TMEM232: variants seen among roughly 807,000 people sequenced by gnomAD.
TMEM232 encodes transmembrane protein 232.
Under a neutral mutation model 78.8 loss-of-function variants are expected in TMEM232, and 80 were observed. The ratio of observed to expected loss-of-function variants is 1.01; its 90% CI spans 0.85 to 1.22. TMEM232 has a LOEUF of 1.22. Ranked by LOEUF, TMEM232 falls within the 50% of genes most tolerant of loss-of-function variation. The pLI is 0.00. For synonymous variants in TMEM232, 297 were observed against 254.3 expected, an observed-to-expected ratio of 1.17 and a Z score of -1.60; for missense variants, 881 against 742.2, an observed-to-expected ratio of 1.19 and a Z score of -2.17.
chr5:110,667,300 G>C lies in TMEM232; in HGVS notation c.53C>G (p.Ser18Cys). The change falls in exon 2 of 14, where the codon TCT (serine) becomes TGT (cysteine). Residue 18 changes from serine (S) to cysteine (C), a missense_variant. Transcript: ENST00000455884. ...CCAGAGCTCTTCATGATAAGGGGAAGATATGCCTCCACATGTATTAATCAT... is the reference window on the plus strand; with the variant it reads ...CCAGAGCTCTTCATGATAAGGGGAACATATGCCTCCACATGTATTAATCAT... Reference protein sequence around the residue: ...SPMINTCGGISSPYHEELWKL... With the variant: ...SPMINTCGGICSPYHEELWKL... 1 of 1,542,744 alleles carries C rather than the reference G, an allele frequency of 6.5e-7. No homozygotes were observed. The highest frequency in any genetic ancestry group is 8.8e-7 in the Non-Finnish European group (1 of 1,140,606).
chr5:110,738,317 C>T (rs1258802972), upstream of TMEM232: 1 of 1,178,500 alleles, frequency 8.5e-7, no homozygotes, highest in African/African-American at 1.6e-5. Context: ...AACGATATAA[C>T]TGGGATTTCA....
chr5:110,596,897 C>T (rs1780237767), intron 10 of TMEM232, among the ~76,000 whole-genome samples: 1 of 152,154 alleles, frequency 6.6e-6, no homozygotes, highest in Admixed American at 6.6e-5. Flanking sequence ...GACAAACCCA[C>T]AGCCAATATC....
chr5:110,457,048 T>C (rs892901653), intron 12 of TMEM232, among the ~76,000 whole-genome samples: 15 of 152,110 alleles, frequency 9.9e-5, no homozygotes, highest in African/African-American at 3.6e-4. Context: ...ATAAAAACTT[T>C]TCCTCTGTGA....
At chr5:110,736,529 A>C (rs1455817463) in intron 1 of TMEM232, among the ~76,000 whole-genome samples, 1 of 152,152 alleles carries the variant, frequency 6.6e-6, no homozygotes, top group Non-Finnish European at 1.5e-5. Context: ...CATGTTTTAA[A>C]TTGAACATGA....
chr5:110,534,040 G>A lies in TMEM232; in HGVS notation c.1456-5205C>T, dbSNP rs547564757. Among the ~76,000 whole-genome samples the A allele has an allele frequency of 9.9e-5, 15 of 152,038 alleles. No homozygotes were observed. In the East Asian group the frequency reaches 1.9e-3, roughly 20 times the overall value. ...ACATCAAGCTCCAGGATTTGCCCCCGCCCAGGACTGGCAAATTAGCTTTAC... is the reference window on the plus strand; with the variant it reads ...ACATCAAGCTCCAGGATTTGCCCCCACCCAGGACTGGCAAATTAGCTTTAC... On this transcript the variant is annotated intron_variant, in intron 11 of 13. Transcript: ENST00000455884.
intron 2 of TMEM232, among the ~76,000 whole-genome samples, chr5:110,646,522 T>G (rs563464601): frequency 2.6e-5 from 4 of 151,896 alleles, no homozygotes; most frequent in Middle Eastern, 6.8e-3. Flanking sequence ...AATTAGACCC[T>G]TATCCCACAC....
intron 1 of TMEM232, among the ~76,000 whole-genome samples, chr5:110,692,157 T>C (rs900966682): frequency 2.7e-4 from 41 of 152,178 alleles, no homozygotes; most frequent in Non-Finnish European, 1.9e-4. Flanking sequence ...TCCGGACTCA[T>C]GATCTGCCCG....
chr5:110,666,922 A>T, intron 2 of TMEM232: 1 of 175,750 alleles, frequency 5.7e-6, no homozygotes, highest in Non-Finnish European at 1.2e-5. Context: ...GAAATAGCAA[A>T]GGTCTTAGAA....
downstream of TMEM232, chr5:110,417,960 T>C (rs1464820684): frequency 6.6e-6 from 1 of 152,116 alleles, no homozygotes; most frequent in Admixed American, 6.6e-5. Context: ...CCAGAACCAG[T>C]TGTATTGTGC....
At chr5:110,604,744 G>A (rs1349847891) in intron 10 of TMEM232, among the ~76,000 whole-genome samples, 2 of 152,140 alleles carry the variant, frequency 1.3e-5, no homozygotes, top group African/African-American at 4.8e-5. Flanking sequence ...GATCACTTGA[G>A]GTCAGGAGTT....
At chr5:110,534,117 C>G (rs1252358152) in intron 11 of TMEM232, among the ~76,000 whole-genome samples, 3 of 152,312 alleles carry the variant, frequency 2.0e-5, no homozygotes, top group South Asian at 2.1e-4. Flanking sequence ...TAAGTAGACA[C>G]TTTCACTAGA....
intron 2 of TMEM232, among the ~76,000 whole-genome samples, chr5:110,651,273 G>C (rs1000418265): frequency 1.3e-5 from 2 of 152,102 alleles, no homozygotes; most frequent in African/African-American, 4.8e-5. Flanking sequence ...AATTTAACTA[G>C]AGTGATGTGG....
At chr5:110,705,175 T>G (rs1034311862) in intron 1 of TMEM232, among the ~76,000 whole-genome samples, 1 of 152,140 alleles carries the variant, frequency 6.6e-6, no homozygotes, top group African/African-American at 2.4e-5. Context: ...GCACTCCTGC[T>G]ATAAATGCCC....
chr5:110,726,212 A>C (rs2150363387), intron 1 of TMEM232, among the ~76,000 whole-genome samples: 1 of 152,102 alleles, frequency 6.6e-6, no homozygotes, highest in South Asian at 2.1e-4. Context: ...TAAATAAATA[A>C]AAATCAAAAA....
chr5:110,564,166 G>C (rs1222926268), intron 11 of TMEM232, among the ~76,000 whole-genome samples: 1 of 151,834 alleles, frequency 6.6e-6, no homozygotes, highest in African/African-American at 2.4e-5. Flanking sequence ...CGGGACATTA[G>C]GAATATTAGG....
At chr5:110,404,268 T>A (rs897759200) in intron 2 of TMEM232, among the ~76,000 whole-genome samples, 2 of 152,094 alleles carry the variant, frequency 1.3e-5, no homozygotes, top group East Asian at 3.9e-4. Context: ...TCCAACATAG[T>A]CTCATCCTTG....
At chr5:110,625,723 T>G (rs370814873) in intron 6 of TMEM232, 1 of 178,762 alleles carries the variant, frequency 5.6e-6, no homozygotes, top group East Asian at 1.4e-4. Context: ...AACTTCCAGA[T>G]GAAAATAAAT....
At chr5:110,472,747 T>G (rs549371120) in intron 12 of TMEM232, among the ~76,000 whole-genome samples, 2 of 151,872 alleles carry the variant, frequency 1.3e-5, no homozygotes, top group Non-Finnish European at 2.9e-5. Context: ...TGGGACAGTA[T>G]AGAGAGCCCA....
At chr5:110,398,681 C>T (rs888579190) in intron 2 of TMEM232, among the ~76,000 whole-genome samples, 4 of 152,164 alleles carry the variant, frequency 2.6e-5, no homozygotes, top group Admixed American at 6.6e-5. Context: ...TAACATCTCT[C>T]TAGCCACATG....
Sources: gnomAD v4.1 joint callset for allele counts (sites outside exome capture counted in the v4.1 genomes callset) on GRCh38, gnomAD v4.1.1 for gene constraint, MANE v1.5 for transcripts, NCBI Gene and HGNC (gene_info 2026-07-23, HGNC 2026-07-21) for gene names.